The following MCMBP variants were observed in gnomAD, a reference collection of about 807,000 sequenced individuals.
MCMBP encodes the protein mini-chromosome maintenance complex-binding protein.
A neutral mutation model predicts 81.3 loss-of-function variants in MCMBP; 31 were observed. That is an observed-to-expected ratio of 0.38 (90% CI 0.29 to 0.51). MCMBP has a LOEUF of 0.51. MCMBP is among the 20% of genes least tolerant of loss of function. The probability of loss-of-function intolerance (pLI) is 0.87; values close to 1 mark genes in which losing one functional copy is unlikely to be tolerated. For synonymous variants in MCMBP, 267 were observed against 275.9 expected (o/e 0.97, Z 0.32); for missense variants, 645 against 772.1 (o/e 0.84, Z 1.95).
intron 14 of MCMBP, among the ~76,000 whole-genome samples, chr10:119,834,373 A>C (rs1466875895): frequency 6.6e-6 from 1 of 152,230 alleles, no homozygotes; most frequent in Non-Finnish European, 1.5e-5. Flanking sequence ...GATCCTTATC[A>C]GAAACTAGTT....
In MCMBP at chr10:119,847,647, C is replaced by A; in HGVS notation, c.793G>T (p.Asp265Tyr). The A allele has an allele frequency of 6.2e-7, 1 of 1,611,498 alleles. No individual in the cohort carries two copies. The highest frequency in any genetic ancestry group is 8.5e-7 in the Non-Finnish European group (1 of 1,178,550). Residue 265 changes from aspartate to tyrosine, a missense_variant, in exon 8 of 16, where the codon GAT (aspartate) becomes TAT (tyrosine). Physicochemically the swap from Asp to Tyr is radical, Grantham distance 160. Coordinates refer to ENST00000369077, the MANE Select transcript of MCMBP (RefSeq NM_001256378.2). The part of the protein sequence containing the change: ...ILELYGILSV[D>Y]PVLSILNNDE... Reference sequence around the variant, plus strand: ...TTATTCAGTATACTCAGCACAGGATCCACAGACAGTATGCCATATAGCTCA... The same window carrying A: ...TTATTCAGTATACTCAGCACAGGATACACAGACAGTATGCCATATAGCTCA...
At chr10:119,856,469 T>A (rs1853048911) in intron 5 of MCMBP, among the ~76,000 whole-genome samples, 1 of 152,144 alleles carries the variant, frequency 6.6e-6, no homozygotes, top group African/African-American at 2.4e-5. Flanking sequence ...ATTATATGAG[T>A]CCATTTAGAT....
intron 4 of MCMBP, chr10:119,858,330 A>C (rs1853124346): frequency 6.6e-6 from 1 of 152,022 alleles, no homozygotes; most frequent in African/African-American, 2.4e-5. Context: ...TAGGCCTAGA[A>C]AGAAAGGCAA....
intron 11 of MCMBP, among the ~76,000 whole-genome samples, chr10:119,838,972 G>A (rs1852343249): frequency 6.6e-6 from 1 of 152,104 alleles, no homozygotes; most frequent in Non-Finnish European, 1.5e-5. Context: ...ACAAATGGTA[G>A]ATAACTGACA....
At chr10:119,833,241 T>C (rs1456985390) in intron 14 of MCMBP, among the ~76,000 whole-genome samples, 1 of 152,178 alleles carries the variant, frequency 6.6e-6, no homozygotes, top group African/African-American at 2.4e-5. Flanking sequence ...TCAAAAAAGT[T>C]ACTAAACAAC....
chr10:119,850,293 G>A (rs1307134014), intron 6 of MCMBP, among the ~76,000 whole-genome samples: 2 of 152,182 alleles, frequency 1.3e-5, no homozygotes, highest in Admixed American at 6.5e-5. Context: ...ATAAGAGATG[G>A]AGAAGAGACC....
intron 1 of MCMBP, among the ~76,000 whole-genome samples, chr10:119,863,622 G>A (rs533393277): frequency 8.7e-5 from 13 of 150,074 alleles, no homozygotes; most frequent in African/African-American, 1.7e-4. Flanking sequence ...CCAGCTACTC[G>A]GGAGGGTGAG....
chr10:119,857,530 C>A, intron 4 of MCMBP, 91 bp from the exon 5 acceptor site: 1 of 661,924 alleles, frequency 1.5e-6, no homozygotes, highest in South Asian at 2.3e-5. Flanking sequence ...CACATTATAA[C>A]ACCACAGCAA....
chr10:119,834,351 G>C (rs1366747116), intron 14 of MCMBP, among the ~76,000 whole-genome samples: 3 of 152,172 alleles, frequency 2.0e-5, no homozygotes, highest in Non-Finnish European at 1.5e-5. Flanking sequence ...AAATGACTCA[G>C]TGTGTACAAA....
Position 119,842,765 on chromosome 10 carries a change from TC to T in MCMBP, c.1001-171del, listed in dbSNP as rs1722087165. On this transcript the variant is annotated intron_variant, in intron 9 of 15. Transcript: ENST00000369077. ...CTTAAAAATAAGGCAGTTTGCATCC[TC>T]CTTTTTTTTTTTTTTGAGACCAAGT... 5 of 631,676 alleles carry T rather than the reference TC, an allele frequency of 7.9e-6. No homozygotes were observed. The South Asian group carries it at 1.1e-4, about 14-fold the overall frequency. The allele number at this position is 631,676 out of a possible 1,614,324, so 39.1% of individuals were successfully genotyped here.
intron 1 of MCMBP, 48 bp downstream of exon 1, chr10:119,872,479 G>T (rs1226319200): frequency 2.2e-5 from 25 of 1,130,796 alleles, no homozygotes; most frequent in Non-Finnish European, 2.4e-5. Flanking sequence ...CCCGGGGCCC[G>T]GCAAACTCGG....
chr10:119,859,317 C>T, intron 2 of MCMBP, 136 bp from the exon 3 acceptor site: 1 of 710,302 alleles, frequency 1.4e-6, no homozygotes, highest in East Asian at 2.8e-5. Flanking sequence ...CATGCCACAT[C>T]AGAGAGCCAA....
At chr10:119,853,477 G>C (rs185716966) in intron 5 of MCMBP, among the ~76,000 whole-genome samples, 2 of 152,278 alleles carry the variant, frequency 1.3e-5, no homozygotes, top group East Asian at 3.9e-4. Flanking sequence ...CCTTGAATGA[G>C]GAGAAACACA....
intron 11 of MCMBP, among the ~76,000 whole-genome samples, 187 bp downstream of exon 11, chr10:119,840,656 A>G (rs1193944285): frequency 6.6e-6 from 1 of 152,224 alleles, no homozygotes; most frequent in East Asian, 1.9e-4. Context: ...GCTTAGGCAA[A>G]AAGACAAAAA....
At chr10:119,860,389 T>C (rs1853209208) in intron 1 of MCMBP, among the ~76,000 whole-genome samples, 1 of 152,180 alleles carries the variant, frequency 6.6e-6, no homozygotes, top group Non-Finnish European at 1.5e-5. Context: ...ATTTGCTCCA[T>C]CTCATATTTT....
intron 8 of MCMBP, 88 bp from the exon 9 acceptor site, chr10:119,843,514 G>A: frequency 7.7e-7 from 1 of 1,303,206 alleles, no homozygotes; most frequent in East Asian, 2.5e-5. Context: ...CAAAATTAGA[G>A]TTAAAGCCAA....
intron 6 of MCMBP, 31 bp from the exon 7 acceptor site, chr10:119,849,607 C>A (rs367818435): frequency 2.6e-6 from 4 of 1,530,044 alleles, no homozygotes; most frequent in Non-Finnish European, 3.5e-6. Context: ...TGCACTTAGT[C>A]ATTTCTAAGG....
rs145742422 is a variant in MCMBP at position 119,831,869 on chromosome 10, C to G, written c.1796+143G>C. On this transcript the variant is annotated intron_variant, in intron 15 of 15. Transcript: ENST00000369077. Reference sequence around the variant, plus strand: ...AGATCACCAGCCAAACTCGATTCCCCCTCAATGAGCCCTTTCATACAGCGT... The same window carrying G: ...AGATCACCAGCCAAACTCGATTCCCGCTCAATGAGCCCTTTCATACAGCGT... 1.1e-4 allele frequency: 95 copies of G among 846,002 alleles called. No homozygotes were observed. The African/African-American group carries it at 1.1e-3, about 10-fold the overall frequency. The allele number at this position is 846,002 out of a possible 1,614,324, so 52.4% of individuals were successfully genotyped here. A position where few individuals can be genotyped will look rare whatever the true frequency, so the allele number is the denominator to read the frequency against.
intron 4 of MCMBP, chr10:119,858,260 T>C (rs1036148163): frequency 1.3e-5 from 2 of 152,042 alleles, no homozygotes; most frequent in Non-Finnish European, 2.9e-5. Context: ...TAACAGAGAG[T>C]TGGTACACAT....
Sources: gnomAD v4.1 joint callset for allele counts (sites outside exome capture counted in the v4.1 genomes callset) on GRCh38, gnomAD v4.1.1 for gene constraint, MANE v1.5 for transcripts, NCBI Gene and HGNC (gene_info 2026-07-23, HGNC 2026-07-21) for gene names.